Variants in SVEP1 observed in about 807,000 individuals in gnomAD.
SVEP1 encodes the protein sushi, von Willebrand factor type A, EGF and pentraxin domain-containing protein 1.
In SVEP1, 164 loss-of-function variants were observed where a neutral mutation model predicts 367.3. That is an observed-to-expected ratio of 0.45 (90% CI 0.39 to 0.51). SVEP1 has a LOEUF of 0.51. SVEP1 is among the 20% of genes least tolerant of loss of function. The pLI, the probability that SVEP1 is intolerant of heterozygous loss-of-function variation, is 0.00. For synonymous variants in SVEP1, 1,666 were observed against 1,611.6 expected (o/e 1.03, Z -0.81); for missense variants, 4,117 against 4,425.3 (o/e 0.93, Z 1.98).
chr9:110,515,490 CG>C (rs1235363020), intron 3 of SVEP1, among the ~76,000 whole-genome samples: 9 of 151,766 alleles, frequency 5.9e-5, no homozygotes, highest in African/African-American at 2.2e-4. Flanking sequence ...TTAGTAGAGA[CG>C]GGGTTTCACC....
chr9:110,392,085 A>C (rs992081690), intron 40 of SVEP1, among the ~76,000 whole-genome samples: 1 of 149,104 alleles, frequency 6.7e-6, no homozygotes, highest in African/African-American at 2.5e-5. Flanking sequence ...GTTTGCAGAG[A>C]GAAGATCCTG....
chr9:110,488,648 G>A (rs1018770647), intron 9 of SVEP1, among the ~76,000 whole-genome samples: 1 of 152,046 alleles, frequency 6.6e-6, no homozygotes, highest in African/African-American at 2.4e-5. Flanking sequence ...GATCACTTGA[G>A]GCCAGGAGTT....
chr9:110,529,608 GTT>G (rs34764782), intron 3 of SVEP1, among the ~76,000 whole-genome samples: 1 of 150,172 alleles, frequency 6.7e-6, no homozygotes, highest in Admixed American at 6.6e-5. Flanking sequence ...TAGGAAGTTT[GTT>G]TTTTTTTTGT....
chr9:110,562,127 A>C (rs1215496277), intron 1 of SVEP1, among the ~76,000 whole-genome samples: 1 of 151,990 alleles, frequency 6.6e-6, no homozygotes, highest in East Asian at 1.9e-4. Context: ...AGACTTAATT[A>C]AAATGGTTTA....
chr9:110,475,220 A>G (rs1249589342), intron 14 of SVEP1, among the ~76,000 whole-genome samples: 1 of 152,212 alleles, frequency 6.6e-6, no homozygotes, highest in Non-Finnish European at 1.5e-5. Flanking sequence ...TAAATCACCA[A>G]AAATATTACA....
intron 40 of SVEP1, among the ~76,000 whole-genome samples, chr9:110,399,522 T>G (rs1437946518): frequency 6.6e-6 from 1 of 151,916 alleles, no homozygotes; most frequent in Non-Finnish European, 1.5e-5. Context: ...AGAAAACTGG[T>G]GATGAATACT....
At chr9:110,560,393 G>T (rs1830411913) in intron 1 of SVEP1, among the ~76,000 whole-genome samples, 1 of 152,182 alleles carries the variant, frequency 6.6e-6, no homozygotes, top group Non-Finnish European at 1.5e-5. Context: ...ACATCAAAAT[G>T]TTGACTGTCT....
chr9:110,423,368 A>G (rs972180051), intron 36 of SVEP1, among the ~76,000 whole-genome samples: 3 of 152,020 alleles, frequency 2.0e-5, no homozygotes, highest in South Asian at 2.1e-4. Flanking sequence ...AGTGTGATGC[A>G]AAAAGAAATA....
At chr9:110,566,519 A>C (rs1200434554) in intron 1 of SVEP1, among the ~76,000 whole-genome samples, 3 of 152,190 alleles carry the variant, frequency 2.0e-5, no homozygotes, top group African/African-American at 7.2e-5. Flanking sequence ...AGTAGAATAC[A>C]TCTGTCAAGT....
At chr9:110,540,079 T>C (rs10817035) in intron 3 of SVEP1, among the ~76,000 whole-genome samples, 108,965 of 151,880 alleles carry the variant, frequency 0.72, 39,952 homozygotes, top group Admixed American at 0.79. Context: ...TAGAAAATGG[T>C]CTGGTACATA....
chr9:110,443,702 A>T lies in SVEP1; in HGVS notation c.4482T>A (p.Asn1494Lys). 6.2e-7 allele frequency: 1 copy of T among 1,607,306 alleles called. No individual in the cohort carries two copies. The highest frequency in any genetic ancestry group is 8.5e-7 in the Non-Finnish European group (1 of 1,176,630). ...TDYNGWVLYV[N>K]GREKITNCPS... Reference sequence around the variant, plus strand: ...GACAGTTTGTTATCTTTTCCCTGCCATTCACATAAAGAACCCAGCTGTAGA... The same window carrying T: ...GACAGTTTGTTATCTTTTCCCTGCCTTTCACATAAAGAACCCAGCTGTAGA... The change falls in exon 27 of 48, where the codon AAT (asparagine) becomes AAA (lysine). Residue 1494 changes from asparagine to lysine, a missense_variant. This residue lies in a region of SVEP1 where 2,174 missense variants were observed against 2,494.3 expected (regional missense o/e 0.87). Coordinates refer to ENST00000374469, the MANE Select transcript of SVEP1 (RefSeq NM_153366.4).
chr9:110,520,069 A>C (rs570631522), intron 3 of SVEP1, among the ~76,000 whole-genome samples: 20 of 152,334 alleles, frequency 1.3e-4, no homozygotes, highest in African/African-American at 4.3e-4. Flanking sequence ...ACCTAATCTT[A>C]TAGTATTACT....
intron 1 of SVEP1, among the ~76,000 whole-genome samples, chr9:110,563,675 G>A (rs1355970859): frequency 6.6e-6 from 1 of 152,158 alleles, no homozygotes; most frequent in Non-Finnish European, 1.5e-5. Flanking sequence ...CCGAAAGTAG[G>A]GAGAAGAGCT....
At chr9:110,427,365 T>A (rs955131854) in intron 36 of SVEP1, among the ~76,000 whole-genome samples, 1 of 151,182 alleles carries the variant, frequency 6.6e-6, no homozygotes, top group Non-Finnish European at 1.5e-5. Context: ...TTGCCCAATG[T>A]CCATTATTGA....
intron 3 of SVEP1, among the ~76,000 whole-genome samples, chr9:110,545,653 A>G (rs1830210859): frequency 6.6e-6 from 1 of 152,176 alleles, no homozygotes; most frequent in African/African-American, 2.4e-5. Context: ...ATTTTGGTTT[A>G]CATGCCTAGA....
chr9:110,539,014 C>A (rs190989921), intron 3 of SVEP1, among the ~76,000 whole-genome samples: 239 of 152,152 alleles, frequency 1.6e-3, no homozygotes, highest in African/African-American at 5.5e-3. Context: ...GCTAGGAATC[C>A]TGTGGTGCTC....
At chr9:110,403,536 C>T (rs945663677) in intron 39 of SVEP1, among the ~76,000 whole-genome samples, 18 of 151,664 alleles carry the variant, frequency 1.2e-4, no homozygotes, top group Admixed American at 1.1e-3. Context: ...ATCTCTTGAC[C>T]TTGTGATCCA....
At chr9:110,488,317 G>C (rs146804898) in intron 9 of SVEP1, among the ~76,000 whole-genome samples, 1 of 152,092 alleles carries the variant, frequency 6.6e-6, no homozygotes, top group Non-Finnish European at 1.5e-5. Context: ...AAAGAGATTC[G>C]AACTGGAAAT....
intron 27 of SVEP1, among the ~76,000 whole-genome samples, chr9:110,437,613 C>A (rs11999309): frequency 0.012 from 1,826 of 152,284 alleles, 30 homozygotes; most frequent in African/African-American, 0.041. Context: ...AAGATTCTAC[C>A]CTGTGACTTT....
Sources: allele counts gnomAD v4.1 joint callset (sites outside exome capture counted in the v4.1 genomes callset), GRCh38; gene constraint gnomAD v4.1.1; regional missense constraint gnomAD v4.1.1; transcripts MANE v1.5; gene names NCBI Gene and HGNC (gene_info 2026-07-23, HGNC 2026-07-21).